Variants in PHF21A observed in about 807,000 individuals in gnomAD.
PHF21A encodes the protein BHC80a.
A neutral mutation model predicts 82.5 loss-of-function variants in PHF21A; 11 were observed. That is an observed-to-expected ratio of 0.13 (90% CI 0.08 to 0.22). The LOEUF is 0.22. Ranked by LOEUF, PHF21A falls within the 10% of genes least tolerant of loss-of-function variation. The probability of loss-of-function intolerance (pLI) is 1.00; values close to 1 mark genes in which losing one functional copy is unlikely to be tolerated. For synonymous variants in PHF21A, 297 were observed against 302.8 expected, an observed-to-expected ratio of 0.98 and a Z score of 0.20; for missense variants, 579 against 837.8, an observed-to-expected ratio of 0.69 and a Z score of 3.81.
intron 6 of PHF21A, among the ~76,000 whole-genome samples, chr11:45,986,893 A>G (rs2094507186): frequency 6.8e-6 from 1 of 148,018 alleles, no homozygotes; most frequent in Admixed American, 6.8e-5. Context: ...ATGTTTGGCT[A>G]TTTTTTTTTT....
At chr11:46,001,739 C>A (rs1197898683) in intron 6 of PHF21A, among the ~76,000 whole-genome samples, 1 of 152,068 alleles carries the variant, frequency 6.6e-6, no homozygotes, top group Admixed American at 6.6e-5. Context: ...CAATAAGAAA[C>A]CTTTCTGTTC....
At chr11:46,064,831 T>G (rs2139617324) in intron 6 of PHF21A, among the ~76,000 whole-genome samples, 1 of 152,366 alleles carries the variant, frequency 6.6e-6, no homozygotes, top group African/African-American at 2.4e-5. Flanking sequence ...CATTATTTTC[T>G]GTAATGGATT....
chr11:45,934,059 G>C lies in PHF21A; in HGVS notation c.1955C>G (p.Pro652Arg), dbSNP rs1439023630. The change falls in exon 19 of 19, where the codon CCC (proline) becomes CGC (arginine). Residue 652 changes from proline (P) to arginine (R), a missense_variant. Pro to Arg is a moderately radical substitution (Grantham distance 103). Coordinates refer to ENST00000676320, the MANE Select transcript of PHF21A (RefSeq NM_001352027.3). ...CGTGGAGGTGGCGGCATTGGCAGGG[G>C]GGGTGCAGTCCGGGCCATTGGAGAT... ...GAISNGPDCT[P>R]PANAATSTPA... 1.2e-6 allele frequency: 2 copies of C among 1,613,976 alleles called. No homozygotes were observed. The highest frequency in any genetic ancestry group is 1.7e-6 in the Non-Finnish European group (2 of 1,179,920).
At chr11:45,939,398 CAAG>C (rs2089892898) in intron 15 of PHF21A, among the ~76,000 whole-genome samples, 1 of 151,818 alleles carries the variant, frequency 6.6e-6, no homozygotes, top group Non-Finnish European at 1.5e-5. Context: ...TTTGCTTGCT[CAAG>C]AAGAAAAAAA....
intron 1 of PHF21A, among the ~76,000 whole-genome samples, chr11:46,102,435 A>G (rs2097107724): frequency 6.6e-6 from 1 of 152,272 alleles, no homozygotes; most frequent in Non-Finnish European, 1.5e-5. Context: ...TCAATATATA[A>G]TAAGGCATCA....
intron 1 of PHF21A, among the ~76,000 whole-genome samples, chr11:46,102,893 T>C (rs1221066717): frequency 4.6e-5 from 7 of 152,214 alleles, no homozygotes; most frequent in Admixed American, 4.6e-4. Flanking sequence ...AACAGTGTTT[T>C]GTTTTTAAGA....
intron 1 of PHF21A, among the ~76,000 whole-genome samples, chr11:46,108,983 T>C (rs2097181871): frequency 6.6e-6 from 1 of 152,214 alleles, no homozygotes; most frequent in African/African-American, 2.4e-5. Context: ...TTCCAATGTT[T>C]ACTATTTTCA....
intron 9 of PHF21A, among the ~76,000 whole-genome samples, chr11:45,966,894 G>A (rs1468492733): frequency 6.6e-6 from 1 of 151,968 alleles, no homozygotes; most frequent in Non-Finnish European, 1.5e-5. Flanking sequence ...TGGGATTACA[G>A]ATGTGAGCCA....
Position 46,079,176 on chromosome 11 carries a change from A to C in PHF21A, c.55-10T>G, listed in dbSNP as rs773978594. On this transcript the variant is annotated splice_polypyrimidine_tract_variant and intron_variant, in intron 4 of 18. Coordinates refer to ENST00000676320, the MANE Select transcript of PHF21A (RefSeq NM_001352027.3). Reference sequence around the variant, plus strand: ...TTTGAGCAACCAGTTTCTGGTAATAAAGAGAGAAAAAGAGCCATCAGTCTT... The same window carrying C: ...TTTGAGCAACCAGTTTCTGGTAATACAGAGAGAAAAAGAGCCATCAGTCTT... The C allele has an allele frequency of 4.4e-6, 7 of 1,592,926 alleles. No homozygotes were observed. Among genetic ancestry groups the C allele is most frequent in the African/African-American group, 2.7e-5 (2 of 74,464 alleles).
chr11:45,983,461 C>T (rs1268635710), intron 6 of PHF21A, among the ~76,000 whole-genome samples: 1 of 151,728 alleles, frequency 6.6e-6, no homozygotes, highest in East Asian at 1.9e-4. Context: ...TAGAATACTG[C>T]GTGTGTGGTT....
intron 1 of PHF21A, among the ~76,000 whole-genome samples, chr11:46,108,804 A>G (rs2097180166): frequency 6.6e-6 from 1 of 152,152 alleles, no homozygotes; most frequent in Non-Finnish European, 1.5e-5. Flanking sequence ...ATTTGCACCT[A>G]CTAAAAAAAG....
intron 4 of PHF21A, chr11:46,083,522 G>C (rs2096819710): frequency 6.6e-6 from 1 of 152,180 alleles, no homozygotes; most frequent in South Asian, 2.1e-4. Context: ...TTCAAAAGTA[G>C]TCAATGCATC....
chr11:45,955,547 G>A (rs1202464666), intron 10 of PHF21A, among the ~76,000 whole-genome samples: 5 of 152,158 alleles, frequency 3.3e-5, no homozygotes, highest in African/African-American at 4.8e-5. Context: ...CTAAGGCTGA[G>A]TAAAGCAATT....
intron 6 of PHF21A, among the ~76,000 whole-genome samples, chr11:46,073,302 T>C (rs2096677625): frequency 6.7e-6 from 1 of 148,982 alleles, no homozygotes; most frequent in Non-Finnish European, 1.5e-5. Flanking sequence ...CACTCCAGCC[T>C]GGGCAACAAA....
chr11:46,089,073 C>CA (rs1439037629), intron 3 of PHF21A, among the ~76,000 whole-genome samples: 3 of 152,080 alleles, frequency 2.0e-5, no homozygotes, highest in Admixed American at 6.6e-5. Flanking sequence ...CTAAAAAGGA[C>CA]AACTCCATGT....
At position 45,933,246 on chromosome 11, in the gene PHF21A, G is replaced by A. The variant is rs1195448960; in HGVS notation, c.*722C>T. 2 of 152,626 alleles carry A rather than the reference G, an allele frequency of 1.3e-5. No homozygotes were observed. The highest frequency in any genetic ancestry group is 4.8e-5 in the African/African-American group (2 of 41,444). 9.5% of individuals were successfully genotyped at this position (152,626 alleles called of 1,614,324 possible). A position where few individuals can be genotyped will look rare whatever the true frequency, so the allele number is the denominator to read the frequency against. On this transcript the variant is annotated 3_prime_UTR_variant, in exon 19 of 19. Transcript: ENST00000676320. ...ACGGAGATGCGCGACTCACCAAGCA[G>A]GGAAGGAAGGAGACTGGGCAGGCTT...
At position 45,986,327 on chromosome 11, in the gene PHF21A, A is replaced by G. The variant is rs549545622; in HGVS notation, c.154-6361T>C. Among the ~76,000 whole-genome samples the G allele has an allele frequency of 1.3e-4, 20 of 152,278 alleles. No homozygotes were observed. In the East Asian group the frequency reaches 3.5e-3, roughly 26 times the overall value. On this transcript the variant is annotated intron_variant, in intron 6 of 18. Transcript: ENST00000676320. ...CCCTAACTTGATATGTATGACTATAAAAGACTAATATTGATATAGTCAGAC... is the reference window on the plus strand; with the variant it reads ...CCCTAACTTGATATGTATGACTATAGAAGACTAATATTGATATAGTCAGAC...
At chr11:45,970,253 C>T (rs1235904329) in intron 8 of PHF21A, 1 of 251,926 alleles carries the variant, frequency 4.0e-6, no homozygotes. Flanking sequence ...TGCTGCTTAG[C>T]CAAATAGGCT....
At chr11:46,097,237 C>T (rs1183631984) in intron 1 of PHF21A, among the ~76,000 whole-genome samples, 1 of 152,184 alleles carries the variant, frequency 6.6e-6, no homozygotes, top group Non-Finnish European at 1.5e-5. Context: ...GATCTTGTTA[C>T]TCCTCTGCTC....
Sources: gnomAD v4.1 joint callset for allele counts (sites outside exome capture counted in the v4.1 genomes callset) on GRCh38, gnomAD v4.1.1 for gene constraint, MANE v1.5 for transcripts, NCBI Gene and HGNC (gene_info 2026-07-23, HGNC 2026-07-21) for gene names.